FADS1: variants seen among roughly 807,000 people sequenced by gnomAD.
FADS1 encodes fatty acid desaturase 1.
Under a neutral mutation model 61.6 loss-of-function variants are expected in FADS1, and 17 were observed. The ratio of observed to expected loss-of-function variants is 0.28; its 90% CI spans 0.19 to 0.41. The LOEUF (loss-of-function observed/expected upper bound fraction) is 0.41, where lower values mean the gene tolerates loss of function less well. FADS1 is among the 10% of genes least tolerant of loss of function. The pLI is 1.00. For missense variants in FADS1, 387 were observed against 650.9 expected, an observed-to-expected ratio of 0.59 and a Z score of 4.41; for synonymous variants, 238 against 258.7, an observed-to-expected ratio of 0.92 and a Z score of 0.77.
chr11:61,813,397 C>G, intron 1 of FADS1, 44 bp from the exon 2 acceptor site: 2 of 1,195,098 alleles, frequency 1.7e-6, no homozygotes, highest in Non-Finnish European at 2.5e-6. Context: ...AGCCAGCCCC[C>G]TGGACTCCGG....
At chr11:61,811,104 A>C (rs747837133) in intron 3 of FADS1, 29 bp from the exon 4 acceptor site, 5 of 1,551,042 alleles carry the variant, frequency 3.2e-6, no homozygotes, top group Non-Finnish European at 4.4e-6. Flanking sequence ...CACTGAGAGC[A>C]GCCCACCAGC....
intron 1 of FADS1, among the ~76,000 whole-genome samples, chr11:61,813,898 G>GC (rs2066950596): frequency 2.0e-5 from 3 of 151,168 alleles, no homozygotes; most frequent in Non-Finnish European, 4.4e-5. Context: ...CCCGGGGGAG[G>GC]GCGGAGCCTG....
At position 61,802,578 on chromosome 11, in the gene FADS1, T is replaced by G; in HGVS notation, c.1455-116A>C. ...TCTGGAGGTTTTCCTCCCCTCTACT[T>G]TAGAGAAAGCTAGCTTGGGCCATGG... On this transcript the variant is annotated intron_variant, in intron 11 of 11. Coordinates refer to ENST00000350997, the MANE Select transcript of FADS1 (RefSeq NM_013402.7). The surrounding 1 kb of genome is among the most constrained non-coding windows in gnomAD (Gnocchi z 4.2). 1.6e-6 allele frequency: 2 copies of G among 1,260,674 alleles called. No homozygotes were observed. The highest frequency in any genetic ancestry group is 2.3e-6 in the Non-Finnish European group (2 of 887,596). The allele number at this position is 1,260,674 out of a possible 1,614,324, so 78.1% of individuals were successfully genotyped here.
chr11:61,814,872 G>A (rs553342981), intron 1 of FADS1: 1 of 152,462 alleles, frequency 6.6e-6, no homozygotes, highest in Non-Finnish European at 1.5e-5. Context: ...AGGGCTATGA[G>A]ACTTCCGTCC....
At chr11:61,813,421 A>G (rs1241565375) in intron 1 of FADS1, 68 bp from the exon 2 acceptor site, 2 of 896,978 alleles carry the variant, frequency 2.2e-6, no homozygotes, top group African/African-American at 1.7e-5. Flanking sequence ...TGTTCGCACC[A>G]AAGGCCATCC....
chr11:61,816,400 G>T lies in FADS1; in HGVS notation c.375+155C>A, dbSNP rs780458670. 1.9e-6 allele frequency: 3 copies of T among 1,598,490 alleles called. No individual in the cohort carries two copies. The highest frequency in any genetic ancestry group is 2.5e-6 in the Non-Finnish European group (3 of 1,179,790). ...TCTCCCGCCTTTTCATCCCGCATCC[G>T]CAGGACACCCAATCACCGGGCAACA... On this transcript the variant is annotated intron_variant, in intron 1 of 11. Coordinates refer to ENST00000350997, the MANE Select transcript of FADS1 (RefSeq NM_013402.7). This position sits in a 1 kb window ranked among gnomAD's most constrained non-coding sequence, Gnocchi z 7.0.
At position 61,815,917 on chromosome 11, in the gene FADS1, C is replaced by CAGCGGCCG. The variant is rs2066977195; in HGVS notation, c.375+637_375+638insCGGCCGCT. 9.3e-6 allele frequency: 3 copies of CAGCGGCCG among 321,994 alleles called. No individual in the cohort carries two copies. The highest frequency in any genetic ancestry group is 1.8e-5 in the Non-Finnish European group (3 of 171,218). 19.9% of individuals were successfully genotyped at this position (321,994 alleles called of 1,614,324 possible). On this transcript the variant is annotated intron_variant, in intron 1 of 11. Transcript: ENST00000350997. This position sits in a 1 kb window ranked among gnomAD's most constrained non-coding sequence, Gnocchi z 6.4. ...CGCTAAGTGTATGCCATTCCCAATC[C>CAGCGGCCG]CTTATGTACGCCAGCGGCCGCTTGC... is the stretch of plus-strand genomic sequence containing the variant.
At chr11:61,811,389 G>A (rs181139228) in intron 3 of FADS1, among the ~76,000 whole-genome samples, 39 of 151,944 alleles carry the variant, frequency 2.6e-4, no homozygotes, top group African/African-American at 8.7e-4. Flanking sequence ...TGCAACCTCC[G>A]CCTCCTGGGT....
At chr11:61,805,741 G>A (rs539411136) in intron 6 of FADS1, 1 of 152,200 alleles carries the variant, frequency 6.6e-6, no homozygotes, top group Non-Finnish European at 1.5e-5. Flanking sequence ...GAGCAGAGTT[G>A]TTGTTGTTTT....
At chr11:61,805,240 G>A (rs1185324611) in intron 6 of FADS1, 1 of 170,308 alleles carries the variant, frequency 5.9e-6, no homozygotes, top group African/African-American at 2.4e-5. Context: ...GAAGGGGCAG[G>A]AGCAGGAAAG....
chr11:61,813,827 A>AGGTAGCGGGCGC (rs2066949853), intron 1 of FADS1, among the ~76,000 whole-genome samples: 1 of 151,686 alleles, frequency 6.6e-6, no homozygotes, highest in Non-Finnish European at 1.5e-5. Flanking sequence ...TAGCCGGGCG[A>AGGTAGCGGGCGC]GGTAGCGGGC....
chr11:61,809,670 T>C (rs1346946112), intron 5 of FADS1, among the ~76,000 whole-genome samples: 1 of 152,210 alleles, frequency 6.6e-6, no homozygotes, highest in African/African-American at 2.4e-5. Context: ...CCCATGCCAC[T>C]GCCCAGCAAA....
chr11:61,814,907 C>T (rs2066964035), intron 1 of FADS1: 1 of 152,622 alleles, frequency 6.6e-6, no homozygotes, highest in Non-Finnish European at 1.5e-5. Context: ...TTCAATAAGT[C>T]CCTTTCCTCT....
intron 5 of FADS1, among the ~76,000 whole-genome samples, chr11:61,810,375 C>A (rs2066922763): frequency 1.3e-5 from 2 of 152,146 alleles, no homozygotes; most frequent in Admixed American, 1.3e-4. Flanking sequence ...GAGAGAAATA[C>A]AAAGTGCAAG....
At chr11:61,813,692 G>A (rs892772253) in intron 1 of FADS1, 7 of 216,002 alleles carry the variant, frequency 3.2e-5, no homozygotes, top group South Asian at 9.5e-5. Context: ...CCGGCCGGGC[G>A]CGGTGGCTCA....
At position 61,810,858 on chromosome 11, in the gene FADS1, T is replaced by C; in HGVS notation, c.808A>G (p.Asn270Asp). 2 of 1,614,176 alleles carry C rather than the reference T, an allele frequency of 1.2e-6. No individual in the cohort carries two copies. The highest frequency in any genetic ancestry group is 1.7e-6 in the Non-Finnish European group (2 of 1,180,038). ...HLKGAPASWW[N>D]HMHFQHHAKP... ...GCATGGTGCTGGAAGTGCATGTGGT[T>C]CCACCAACTGGCGGGGGCCCCCTAC... is the stretch of plus-strand genomic sequence containing the variant. The change falls in exon 5 of 12, where the codon AAC (asparagine) becomes GAC (aspartate). Residue 270 changes from asparagine to aspartate, a missense_variant. Coordinates refer to ENST00000350997, the MANE Select transcript of FADS1 (RefSeq NM_013402.7).
Position 61,803,193 on chromosome 11 carries a change from G to A in FADS1, c.1249-82C>T. On this transcript the variant is annotated intron_variant, in intron 9 of 11. Transcript: ENST00000350997. This position sits in a 1 kb window ranked among gnomAD's most constrained non-coding sequence, Gnocchi z 4.3. ...GCATTCTCCAGGTAAAGCTGGCTGA[G>A]GAAGGGACATGAGACTGTCTTGGTC... The A allele has an allele frequency of 7.1e-7, 1 of 1,406,790 alleles. No homozygotes were observed. The highest frequency in any genetic ancestry group is 2.3e-5 in the East Asian group (1 of 43,754). 87.1% of individuals were successfully genotyped at this position (1,406,790 alleles called of 1,614,324 possible). A position where few individuals can be genotyped will look rare whatever the true frequency, so the allele number is the denominator to read the frequency against.
intron 7 of FADS1, 66 bp downstream of exon 7, chr11:61,804,619 A>T: frequency 7.5e-7 from 1 of 1,341,914 alleles, no homozygotes; most frequent in Non-Finnish European, 1.1e-6. Context: ...TCCCCTGGGG[A>T]ACCCCTATCC....
chr11:61,802,384 C>T lies in FADS1; in HGVS notation c.*27G>A, dbSNP rs766387843. ...TTGGCTCCAGAGTCTTCCTCCTCTT[C>T]TTCCAGACTGGGCAGGGTGGCTGTT... On this transcript the variant is annotated 3_prime_UTR_variant, in exon 12 of 12. Transcript: ENST00000350997. This position sits in a 1 kb window ranked among gnomAD's most constrained non-coding sequence, Gnocchi z 4.2. 2.2e-5 allele frequency: 35 copies of T among 1,558,062 alleles called. 1 individual carries two copies. In the South Asian group the frequency reaches 4.1e-4, roughly 18 times the overall value.
Sources: allele counts gnomAD v4.1 joint callset (sites outside exome capture counted in the v4.1 genomes callset), GRCh38; gene constraint gnomAD v4.1.1; non-coding constraint Gnocchi (gnomAD v3.1); transcripts MANE v1.5; gene names NCBI Gene and HGNC (gene_info 2026-07-23, HGNC 2026-07-21).